The following KIF21A variants were observed in gnomAD, a reference collection of about 807,000 sequenced individuals.
KIF21A encodes kinesin family member 21A.
KIF21A carries 114 observed loss-of-function variants against 202.9 expected under a neutral mutation model. The observed-to-expected ratio is 0.56, with a 90% CI of 0.48 to 0.66. The LOEUF is 0.66. Among genes scored for constraint, KIF21A ranks in the 30% least tolerant of loss-of-function variants. The pLI, the probability that KIF21A is intolerant of heterozygous loss-of-function variation, is 0.00. For synonymous variants in KIF21A, 667 were observed against 670.8 expected, an observed-to-expected ratio of 0.99 and a Z score of 0.09; for missense variants, 1,677 against 1,994.9, an observed-to-expected ratio of 0.84 and a Z score of 3.04.
chr12:39,306,318 T>C (rs1464605395), intron 34 of KIF21A, among the ~76,000 whole-genome samples: 1 of 152,216 alleles, frequency 6.6e-6, no homozygotes, highest in African/African-American at 2.4e-5. Flanking sequence ...CCTTGTGTCA[T>C]GATTTTGACT....
At position 39,294,029 on chromosome 12, in the gene KIF21A, T is replaced by C. The variant is rs2136957658; in HGVS notation, c.*395A>G. 1.1e-5 allele frequency: 2 copies of C among 183,248 alleles called. No individual in the cohort carries two copies. The highest frequency in any genetic ancestry group is 3.0e-4 in the East Asian group (2 of 6,574). 11.4% of individuals were successfully genotyped at this position (183,248 alleles called of 1,614,324 possible). A position where few individuals can be genotyped will look rare whatever the true frequency, so the allele number is the denominator to read the frequency against. On this transcript the variant is annotated 3_prime_UTR_variant, in exon 38 of 38. Transcript: ENST00000361418. The stretch of plus-strand genomic sequence containing the variant: ...ATTTTCAATATTTAGTTTAAATACA[T>C]AAATCACTTGAATAAACTACATGAA...
At chr12:39,393,891 C>T (rs1159130189) in intron 1 of KIF21A, among the ~76,000 whole-genome samples, 1 of 152,134 alleles carries the variant, frequency 6.6e-6, no homozygotes, top group Non-Finnish European at 1.5e-5. Context: ...AATAAACCAT[C>T]CAATTTTATT....
intron 37 of KIF21A, among the ~76,000 whole-genome samples, chr12:39,298,472 G>T (rs573044108): frequency 6.6e-6 from 1 of 151,840 alleles, no homozygotes; most frequent in Non-Finnish European, 1.5e-5. Context: ...ATTTCTGACC[G>T]GTATAGTAGA....
rs1168509054 is a variant in KIF21A at position 39,333,313 on chromosome 12, A to G, written c.2419-33T>C. On this transcript the variant is annotated intron_variant, in intron 17 of 37. Coordinates refer to ENST00000361418, the MANE Select transcript of KIF21A (RefSeq NM_001173464.2). ...ATAATATTAAATAAGTGGAAATAGT[A>G]AAGTGAAAGATACAATATTTCCTAT... The G allele has an allele frequency of 1.2e-5, 17 of 1,367,156 alleles. No homozygotes were observed. The East Asian group carries it at 3.9e-4, about 31-fold the overall frequency. The allele number at this position is 1,367,156 out of a possible 1,614,324, so 84.7% of individuals were successfully genotyped here.
chr12:39,441,676 A>C (rs74086530), intron 1 of KIF21A, among the ~76,000 whole-genome samples: 12,246 of 137,368 alleles, frequency 0.089, 1,783 homozygotes, highest in South Asian at 0.3. Context: ...AAAAAAAAAA[A>C]AAAACACTTA....
intron 1 of KIF21A, among the ~76,000 whole-genome samples, chr12:39,440,673 CTATA>C (rs1029196951): frequency 6.6e-6 from 1 of 152,030 alleles, no homozygotes; most frequent in African/African-American, 2.4e-5. Context: ...TATTTTTATC[CTATA>C]TAAAGTAAGT....
At chr12:39,428,693 C>T (rs1488035593) in intron 1 of KIF21A, among the ~76,000 whole-genome samples, 2 of 152,188 alleles carry the variant, frequency 1.3e-5, no homozygotes, top group African/African-American at 4.8e-5. Flanking sequence ...ATTACCGTGG[C>T]TCACACCTGT....
chr12:39,369,045 A>G (rs545695368), intron 3 of KIF21A, among the ~76,000 whole-genome samples: 3 of 152,322 alleles, frequency 2.0e-5, no homozygotes, highest in African/African-American at 7.2e-5. Flanking sequence ...CTTCAGCCAG[A>G]TAAGTGCTAC....
chr12:39,346,902 A>G (rs1947942402), intron 11 of KIF21A, among the ~76,000 whole-genome samples: 1 of 151,920 alleles, frequency 6.6e-6, no homozygotes, highest in Non-Finnish European at 1.5e-5. Flanking sequence ...GCCTTTACAG[A>G]AGACCTTTTA....
Position 39,301,875 on chromosome 12 carries a change from A to T in KIF21A, c.4732-196T>A, listed in dbSNP as rs910489121. On this transcript the variant is annotated intron_variant, in intron 36 of 37. Coordinates refer to ENST00000361418, the MANE Select transcript of KIF21A (RefSeq NM_001173464.2). Reference sequence around the variant, plus strand: ...AATTTGCTTCCCAACTTGCCTCACTAATTTTCATCACTGTTATCAGCATAT... The same window carrying T: ...AATTTGCTTCCCAACTTGCCTCACTTATTTTCATCACTGTTATCAGCATAT... Among the ~76,000 whole-genome samples the T allele has an allele frequency of 5.9e-5, 9 of 152,202 alleles. No individual in the cohort carries two copies. In the East Asian group the frequency reaches 1.7e-3, roughly 29 times the overall value.
chr12:39,322,303 T>G (rs991343454), intron 27 of KIF21A: 1 of 166,192 alleles, frequency 6.0e-6, no homozygotes, highest in African/African-American at 2.4e-5. Context: ...AGAGCAAATT[T>G]AAGAGTCTAA....
Position 39,301,523 on chromosome 12 carries a change from T to C in KIF21A, c.4888A>G (p.Asn1630Asp). 2 of 1,614,144 alleles carry C rather than the reference T, an allele frequency of 1.2e-6. No homozygotes were observed. Among genetic ancestry groups the C allele is most frequent in the Non-Finnish European group, 1.7e-6 (2 of 1,179,988 alleles). ...TGGGTGGAATTAACACATATGGCAT[T>C]GATAGGACTATCATGACCCTTCATC... ...GEMKGHDSPI[N>D]AICVNSTHIF... The change falls in exon 37 of 38, where the codon AAT becomes GAT. Residue 1630 changes from asparagine to aspartate, a missense_variant. Physicochemically the swap from Asn to Asp is conservative, Grantham distance 23. Coordinates refer to ENST00000361418, the MANE Select transcript of KIF21A (RefSeq NM_001173464.2).
intron 30 of KIF21A, 32 bp from the exon 31 acceptor site, chr12:39,315,272 C>A: frequency 6.2e-7 from 1 of 1,601,518 alleles, no homozygotes; most frequent in Non-Finnish European, 8.5e-7. Flanking sequence ...GGCCATAAAA[C>A]AAGGAAAACA....
intron 12 of KIF21A, among the ~76,000 whole-genome samples, chr12:39,345,613 G>C (rs925916651): frequency 1.3e-5 from 2 of 151,684 alleles, no homozygotes; most frequent in Non-Finnish European, 2.9e-5. Flanking sequence ...AAGTTCTTAA[G>C]TAAAAGATGA....
chr12:39,304,112 G>T (rs1943227993), intron 35 of KIF21A, among the ~76,000 whole-genome samples: 1 of 152,100 alleles, frequency 6.6e-6, no homozygotes, highest in African/African-American at 2.4e-5. Flanking sequence ...CATGTCTCTA[G>T]GGTATAGAAT....
chr12:39,357,426 T>C lies in KIF21A; in HGVS notation c.1227A>G (p.Ile409Met). 1.9e-6 allele frequency: 3 copies of C among 1,613,848 alleles called. No homozygotes were observed. The highest frequency in any genetic ancestry group is 2.5e-6 in the Non-Finnish European group (3 of 1,179,770). ...TGCTTTCCACACCCTCTTCGTCAAT[T>C]ATTCTTTTACCCTAGTAAAGGAAAA... Reference protein sequence around the residue: ...ELMEYKTGKRIIDEEGVESIN... With the variant: ...ELMEYKTGKRMIDEEGVESIN... The change falls in exon 9 of 38, where the codon ATA (isoleucine) becomes ATG (methionine). Residue 409 changes from isoleucine (I) to methionine (M), a missense_variant. Ile to Met is a conservative substitution (Grantham distance 10). Transcript: ENST00000361418.
chr12:39,359,704 T>C (rs1027981380), intron 7 of KIF21A, among the ~76,000 whole-genome samples: 7 of 152,218 alleles, frequency 4.6e-5, no homozygotes, highest in Non-Finnish European at 1.0e-4. Context: ...AGTCTGCAGA[T>C]TATTTTTACT....
At chr12:39,435,129 C>G (rs146266210) in intron 1 of KIF21A, among the ~76,000 whole-genome samples, 5 of 152,246 alleles carry the variant, frequency 3.3e-5, no homozygotes, top group African/African-American at 1.2e-4. Context: ...TGGGTGGGTC[C>G]ATTCCATAAC....
intron 1 of KIF21A, among the ~76,000 whole-genome samples, chr12:39,399,428 G>T (rs1952000666): frequency 6.6e-6 from 1 of 152,100 alleles, no homozygotes; most frequent in Non-Finnish European, 1.5e-5. Flanking sequence ...AATAAGTCTA[G>T]TATCTATCCC....
Sources: allele counts gnomAD v4.1 joint callset (sites outside exome capture counted in the v4.1 genomes callset), GRCh38; gene constraint gnomAD v4.1.1; transcripts MANE v1.5; gene names NCBI Gene and HGNC (gene_info 2026-07-23, HGNC 2026-07-21).